TRAK1: variants seen among roughly 807,000 people sequenced by gnomAD.
TRAK1 encodes the protein trafficking kinesin-binding protein 1.
A neutral mutation model predicts 92.1 loss-of-function variants in TRAK1; 33 were observed. The ratio of observed to expected loss-of-function variants is 0.36; its 90% CI spans 0.27 to 0.48. The LOEUF is 0.48. Ranked by LOEUF, TRAK1 falls within the 20% of genes least tolerant of loss-of-function variation. The pLI, the probability that TRAK1 is intolerant of heterozygous loss-of-function variation, is 0.99. For missense variants in TRAK1, 1,123 were observed against 1,257.9 expected, an observed-to-expected ratio of 0.89 and a Z score of 1.62; for synonymous variants, 521 against 517.3, an observed-to-expected ratio of 1.01 and a Z score of -0.10.
intron 1 of TRAK1, among the ~76,000 whole-genome samples, chr3:42,031,477 TA>T (rs1329085590): frequency 6.6e-6 from 1 of 151,144 alleles, no homozygotes; most frequent in African/African-American, 2.4e-5. Flanking sequence ...CCACAAAAAA[TA>T]AAAAAGTTAG....
intron 2 of TRAK1, among the ~76,000 whole-genome samples, chr3:42,142,395 A>G (rs1698788956): frequency 6.6e-6 from 1 of 152,170 alleles, no homozygotes; most frequent in Admixed American, 6.5e-5. Context: ...AGCAGCTTTT[A>G]TTGAGCTTTT....
chr3:42,025,640 A>G (rs1174168162), intron 1 of TRAK1, among the ~76,000 whole-genome samples: 1 of 127,838 alleles, frequency 7.8e-6, no homozygotes, highest in African/African-American at 3.0e-5. Context: ...GGTTTCTGGA[A>G]GGGGAGAATG....
chr3:42,043,302 C>G (rs2148904517), intron 1 of TRAK1, among the ~76,000 whole-genome samples: 1 of 152,072 alleles, frequency 6.6e-6, no homozygotes. Flanking sequence ...CCGTCTCCTC[C>G]TTTTTGTCCA....
In TRAK1 at chr3:42,202,688, T is replaced by C. The variant is rs1276636545; in HGVS notation, c.1680T>C (p.Ser560=). The C allele has an allele frequency of 6.2e-7, 1 of 1,613,562 alleles. No individual in the cohort carries two copies. Among genetic ancestry groups the C allele is most frequent in the African/African-American group, 1.3e-5 (1 of 74,948 alleles). Residue 560 remains serine, a synonymous_variant, in exon 13 of 16, where the codon TCT becomes TCC. Coordinates refer to ENST00000327628, the MANE Select transcript of TRAK1 (RefSeq NM_001042646.3). This position sits in a 1 kb window ranked among gnomAD's most constrained non-coding sequence, Gnocchi z 6.1. ...HSRFSEFTGF[S]GMSFSSRSYL... ...GCTTCTCCGAGTTCACCGGCTTCTC[T>C]GGCATGTCCTTCAGCAGCCGCTCCT...
In TRAK1 at chr3:42,201,184, C is replaced by T. The variant is rs556566532; in HGVS notation, c.1427+130C>T. ...CCTGAAAAATACAGACCTGGCCGGG[C>T]GTGGTGGCTCGCGCCTATAATCCTA... is the stretch of plus-strand genomic sequence containing the variant. On this transcript the variant is annotated intron_variant, in intron 12 of 15. Transcript: ENST00000327628. 478 of 996,958 alleles carry T rather than the reference C, an allele frequency of 4.8e-4. 3 individuals are homozygous for T. In the African/African-American group the frequency reaches 6.1e-3, roughly 13 times the overall value. The allele number at this position is 996,958 out of a possible 1,614,324, so 61.8% of individuals were successfully genotyped here. A position where few individuals can be genotyped will look rare whatever the true frequency, so the allele number is the denominator to read the frequency against.
At chr3:42,154,979 CTT>C (rs935375223) in intron 2 of TRAK1, among the ~76,000 whole-genome samples, 1 of 151,978 alleles carries the variant, frequency 6.6e-6, no homozygotes, top group African/African-American at 2.4e-5. Flanking sequence ...AGAGGAAAAA[CTT>C]TATGCCTCTA....
At chr3:42,163,683 C>T (rs9311305) in intron 2 of TRAK1, among the ~76,000 whole-genome samples, 116,184 of 152,098 alleles carry the variant, frequency 0.76, 44,872 homozygotes, top group East Asian at 0.98. Flanking sequence ...TGGGTGATTC[C>T]AATGCACATT....
chr3:42,026,517 G>A (rs1241295201), intron 1 of TRAK1, among the ~76,000 whole-genome samples: 1 of 147,844 alleles, frequency 6.8e-6, no homozygotes, highest in Non-Finnish European at 1.5e-5. Flanking sequence ...AAAGAGATCA[G>A]TGATCTCTTT....
rs3073733 is a variant in TRAK1, at chr3:42,076,216, CTTTTTTTTTTTT to C, written c.-518-10873_-518-10862del. Among the ~76,000 whole-genome samples the C allele has an allele frequency of 6.4e-5, 4 of 62,708 alleles. No homozygotes were observed. In the East Asian group the frequency reaches 1.5e-3, roughly 24 times the overall value. 41.1% of individuals were successfully genotyped at this position (62,708 alleles called of 152,430 possible). On this transcript the variant is annotated intron_variant, in intron 1 of 16. Coordinates refer to the TRAK1 transcript ENST00000487159. ...TCCTCATAGATTTGGGATATTAGAC[CTTTTTTTTTTTT>C]TTTTTTTTTTTTTTGAGATGGAGTT...
At chr3:42,098,862 C>T (rs547655152) in intron 1 of TRAK1, among the ~76,000 whole-genome samples, 13 of 152,072 alleles carry the variant, frequency 8.5e-5, no homozygotes, top group African/African-American at 1.9e-4. Context: ...GTATGGGTGC[C>T]GTGAAAGTCC....
rs1019500984 is a variant in TRAK1 at position 42,204,234 on chromosome 3, C to G, written c.1744+1482C>G. On this transcript the variant is annotated intron_variant, in intron 13 of 15. Coordinates refer to ENST00000327628, the MANE Select transcript of TRAK1 (RefSeq NM_001042646.3). The stretch of plus-strand genomic sequence containing the variant: ...TTTTTCTCCTTTGTCACTCAAAGAT[C>G]ATTGGAATTTATCATCTCTGTCTTG... 3 of 985,596 alleles carry G rather than the reference C, an allele frequency of 3.0e-6. No individual in the cohort carries two copies. The African/African-American group carries it at 5.2e-5, about 17-fold the overall frequency. The allele number at this position is 985,596 out of a possible 1,614,324, so 61.1% of individuals were successfully genotyped here. A position where few individuals can be genotyped will look rare whatever the true frequency, so the allele number is the denominator to read the frequency against.
chr3:42,192,400 A>ATTGCATTTCGTCAAAATACTAAGTATT (rs1553755539), intron 7 of TRAK1, among the ~76,000 whole-genome samples: 95,739 of 131,256 alleles, frequency 0.73, 38,122 homozygotes, highest in East Asian at 0.96. Context: ...TACTAAGTAT[A>ATTGCATTTCGTCAAAATACTAAGTATT]TTGCATTTCG....
chr3:42,197,002 T>TCTCA (rs1301644564), intron 10 of TRAK1, among the ~76,000 whole-genome samples: 8 of 103,606 alleles, frequency 7.7e-5, no homozygotes, highest in African/African-American at 1.6e-4. Context: ...TCTCTCTCTC[T>TCTCA]CACACACACA....
chr3:42,211,395 G>A (rs1709010682), intron 14 of TRAK1: 1 of 985,240 alleles, frequency 1.0e-6, no homozygotes, highest in African/African-American at 1.7e-5. Flanking sequence ...TATATTACTA[G>A]ATTAAGCTTG....
At chr3:42,163,499 C>T (rs945826278) in intron 2 of TRAK1, among the ~76,000 whole-genome samples, 6 of 151,170 alleles carry the variant, frequency 4.0e-5, no homozygotes, top group South Asian at 2.1e-4. Context: ...ACCTGGGAGG[C>T]GGAGCTTGCA....
chr3:42,173,293 TCTTATAGAGAGAGAAA>T (rs1416734817), intron 2 of TRAK1, among the ~76,000 whole-genome samples: 2 of 152,192 alleles, frequency 1.3e-5, no homozygotes, highest in Non-Finnish European at 2.9e-5. Flanking sequence ...TGAAATACAT[TCTTATAGAGAGAGAAA>T]CTTGACCACG....
intron 1 of TRAK1, among the ~76,000 whole-genome samples, chr3:42,038,614 C>T (rs572208493): frequency 4.5e-4 from 68 of 151,968 alleles, no homozygotes; most frequent in African/African-American, 1.6e-3. Context: ...GGTGAAATCC[C>T]ATCTCTACTA....
At chr3:42,141,857 C>T (rs754978422) in intron 2 of TRAK1, among the ~76,000 whole-genome samples, 8 of 152,134 alleles carry the variant, frequency 5.3e-5, no homozygotes, top group Admixed American at 1.3e-4. Context: ...CCAGCAGGGC[C>T]GGGCACGGTG....
chr3:42,022,446 G>T (rs1701754407), intron 1 of TRAK1, among the ~76,000 whole-genome samples: 1 of 152,188 alleles, frequency 6.6e-6, no homozygotes, highest in Non-Finnish European at 1.5e-5. Flanking sequence ...AACTGGCCGG[G>T]TGTAGCAGCT....
Sources: gnomAD v4.1 joint callset for allele counts (sites outside exome capture counted in the v4.1 genomes callset) on GRCh38, gnomAD v4.1.1 for gene constraint, Gnocchi (gnomAD v3.1) non-coding constraint, MANE v1.5 for transcripts, NCBI Gene and HGNC (gene_info 2026-07-23, HGNC 2026-07-21) for gene names.